The following TBXAS1 variants were observed in gnomAD, a reference collection of about 807,000 sequenced individuals.
TBXAS1 encodes thromboxane-A synthase.
Under a neutral mutation model 60.7 loss-of-function variants are expected in TBXAS1, and 48 were observed. That is an observed-to-expected ratio of 0.79 (90% CI 0.63 to 1.01). TBXAS1 has a LOEUF of 1.01. TBXAS1 is among the 50% of genes least tolerant of loss of function. TBXAS1 has a pLI of 0.00. For synonymous variants in TBXAS1, 287 were observed against 269.7 expected (o/e 1.06, Z -0.63); for missense variants, 685 against 686.3 (o/e 1.00, Z 0.02).
intron 1 of TBXAS1, among the ~76,000 whole-genome samples, chr7:139,868,302 G>T (rs1801572028): frequency 6.6e-6 from 1 of 151,972 alleles, no homozygotes; most frequent in South Asian, 2.1e-4. Flanking sequence ...TGACATAAAA[G>T]GATTTTTTTT....
At chr7:139,964,596 C>G (rs927553479) in intron 9 of TBXAS1, among the ~76,000 whole-genome samples, 2 of 152,194 alleles carry the variant, frequency 1.3e-5, no homozygotes, top group African/African-American at 4.8e-5. Flanking sequence ...AGAAATCACA[C>G]CAAATTAAGG....
intron 12 of TBXAS1, among the ~76,000 whole-genome samples, chr7:140,018,111 GTTA>G (rs1168047394): frequency 6.6e-6 from 1 of 152,212 alleles, no homozygotes; most frequent in Non-Finnish European, 1.5e-5. Context: ...GTTAACCATT[GTTA>G]TTAGTATTGT....
intron 3 of TBXAS1, among the ~76,000 whole-genome samples, chr7:139,908,760 T>G (rs923042900): frequency 6.6e-6 from 1 of 152,226 alleles, no homozygotes; most frequent in Non-Finnish European, 1.5e-5. Flanking sequence ...TCCATTTCAT[T>G]GTCCTTTCCT....
chr7:139,924,509 T>C (rs1329017960), intron 4 of TBXAS1, among the ~76,000 whole-genome samples: 1 of 152,162 alleles, frequency 6.6e-6, no homozygotes. Context: ...ATTATTAGGT[T>C]TTTTTCCTGC....
At chr7:140,008,589 A>C (rs1014793702) in intron 10 of TBXAS1, among the ~76,000 whole-genome samples, 1 of 151,848 alleles carries the variant, frequency 6.6e-6, no homozygotes, top group Non-Finnish European at 1.5e-5. Context: ...CTGGGATTAC[A>C]GGTGCCCGCC....
chr7:140,006,984 A>T, intron 9 of TBXAS1, 107 bp from the exon 10 acceptor site: 1 of 1,111,178 alleles, frequency 9.0e-7, no homozygotes, highest in Non-Finnish European at 1.4e-6. Flanking sequence ...GTTTCTGTTT[A>T]AATGTTTGCC....
At chr7:139,835,919 A>G (rs1278149675) in intron 1 of TBXAS1, among the ~76,000 whole-genome samples, 2 of 152,120 alleles carry the variant, frequency 1.3e-5, no homozygotes, top group African/African-American at 4.8e-5. Flanking sequence ...TGATAAAAGA[A>G]TTCAGTAGTT....
chr7:139,971,425 TC>T (rs1811186127), intron 9 of TBXAS1, among the ~76,000 whole-genome samples: 2 of 101,778 alleles, frequency 2.0e-5, no homozygotes, highest in Non-Finnish European at 4.2e-5. Flanking sequence ...GGGTGACCAA[TC>T]GATCTGGATC....
chr7:139,869,730 A>G (rs143687683), intron 1 of TBXAS1, among the ~76,000 whole-genome samples: 1 of 152,212 alleles, frequency 6.6e-6, no homozygotes, highest in East Asian at 1.9e-4. Flanking sequence ...CAGTGACCCT[A>G]TTTCCAAGTC....
intron 9 of TBXAS1, among the ~76,000 whole-genome samples, chr7:139,997,677 G>T (rs750469106): frequency 6.6e-6 from 1 of 152,100 alleles, no homozygotes; most frequent in Non-Finnish European, 1.5e-5. Flanking sequence ...CAGAATATTA[G>T]CAAGGAAGGG....
chr7:139,857,365 T>C (rs1157079984), intron 1 of TBXAS1, among the ~76,000 whole-genome samples: 2 of 152,292 alleles, frequency 1.3e-5, no homozygotes, highest in Non-Finnish European at 2.9e-5. Context: ...TTTCTCTCCA[T>C]CCTATAAAAG....
At chr7:139,808,026 A>G (rs1478194248) in intron 4 of TBXAS1, among the ~76,000 whole-genome samples, 1 of 152,168 alleles carries the variant, frequency 6.6e-6, no homozygotes, top group Non-Finnish European at 1.5e-5. Context: ...CCTTACAGAT[A>G]CAATAGACCT....
chr7:139,854,989 A>G (rs1266048058), intron 1 of TBXAS1, among the ~76,000 whole-genome samples: 1 of 152,100 alleles, frequency 6.6e-6, no homozygotes, highest in Non-Finnish European at 1.5e-5. Context: ...TAGGGGTGTT[A>G]CTATTGTTTG....
chr7:139,796,201 G>A (rs1357907551), intron 4 of TBXAS1, among the ~76,000 whole-genome samples: 1 of 151,992 alleles, frequency 6.6e-6, no homozygotes, highest in Non-Finnish European at 1.5e-5. Flanking sequence ...AGAATTTTTT[G>A]GTATCCTCAT....
At position 139,969,523 on chromosome 7, in the gene TBXAS1, C is replaced by T. The variant is rs534451948; in HGVS notation, c.1134+7290C>T. On this transcript the variant is annotated intron_variant, in intron 9 of 12. Transcript: ENST00000448866. ...ACTAGCTTTTTCATGAATACACATCCTTTGTCACAGGGAAAGGGTTGAGCA... is the reference window on the plus strand; with the variant it reads ...ACTAGCTTTTTCATGAATACACATCTTTTGTCACAGGGAAAGGGTTGAGCA... Among the ~76,000 whole-genome samples, 4 of 150,118 alleles carry T rather than the reference C, an allele frequency of 2.7e-5. No homozygotes were observed. The South Asian group carries it at 8.5e-4, about 32-fold the overall frequency.
chr7:139,899,352 A>G (rs1433040195), intron 3 of TBXAS1, among the ~76,000 whole-genome samples: 2 of 152,164 alleles, frequency 1.3e-5, no homozygotes, highest in Non-Finnish European at 2.9e-5. Context: ...CACCCCTAAC[A>G]GGGGCAGGCC....
intron 3 of TBXAS1, among the ~76,000 whole-genome samples, chr7:139,903,625 T>C (rs1221624247): frequency 6.6e-6 from 1 of 152,020 alleles, no homozygotes; most frequent in Admixed American, 6.6e-5. Context: ...TTAATTATTA[T>C]TTTTTGATTA....
intron 4 of TBXAS1, among the ~76,000 whole-genome samples, chr7:139,934,434 C>T (rs1758037186): frequency 1.3e-5 from 2 of 152,044 alleles, no homozygotes; most frequent in South Asian, 4.1e-4. Context: ...GTGATCCACC[C>T]GCCTCAGCCT....
chr7:139,818,149 C>T (rs544278424), intron 4 of TBXAS1, among the ~76,000 whole-genome samples: 97 of 152,242 alleles, frequency 6.4e-4, no homozygotes, highest in African/African-American at 2.3e-3. Context: ...TGGCAGGACA[C>T]GGATCGACAA....
Sources: allele counts gnomAD v4.1 joint callset (sites outside exome capture counted in the v4.1 genomes callset), GRCh38; gene constraint gnomAD v4.1.1; transcripts MANE v1.5; gene names NCBI Gene and HGNC (gene_info 2026-07-23, HGNC 2026-07-21).